Variants in KANSL1 observed in about 807,000 individuals in gnomAD.
KANSL1 encodes KAT8 regulatory NSL complex subunit 1, also known as MLL1/MLL complex subunit KANSL1.
A neutral mutation model predicts 103.6 loss-of-function variants in KANSL1; 22 were observed. The observed-to-expected ratio is 0.21, with a 90% CI of 0.15 to 0.30. The LOEUF (loss-of-function observed/expected upper bound fraction) is 0.30, where lower values mean the gene tolerates loss of function less well. Among genes scored for constraint, KANSL1 ranks in the 10% least tolerant of loss-of-function variants. The pLI is 1.00. For missense variants in KANSL1, 1,337 were observed against 1,399.8 expected, an observed-to-expected ratio of 0.96 and a Z score of 0.72; for synonymous variants, 600 against 527.6, an observed-to-expected ratio of 1.14 and a Z score of -1.88.
chr17:46,148,465 C>CT (rs1482761254), intron 2 of KANSL1, among the ~76,000 whole-genome samples: 1 of 152,206 alleles, frequency 6.6e-6, no homozygotes, highest in African/African-American at 2.4e-5. Flanking sequence ...GGAAACGTTC[C>CT]TATCTCTCAA....
At chr17:46,039,289 C>G (rs576197231) in intron 8 of KANSL1, 74 bp from the exon 9 acceptor site, 10 of 1,397,452 alleles carry the variant, frequency 7.2e-6, no homozygotes, top group Non-Finnish European at 9.6e-6. Flanking sequence ...TCCAAGCTCT[C>G]GAGTTCTCTC....
chr17:46,198,422 TAAAAAAAAA>T (rs58312564), upstream of KANSL1, among the ~76,000 whole-genome samples: 20 of 96,112 alleles, frequency 2.1e-4, no homozygotes, highest in African/African-American at 3.4e-4. Flanking sequence ...CTACTTTAAT[TAAAAAAAAA>T]AAAAAAAAAA....
At chr17:46,189,112 C>T (rs996707974) in intron 1 of KANSL1, among the ~76,000 whole-genome samples, 2 of 143,792 alleles carry the variant, frequency 1.4e-5, no homozygotes, top group African/African-American at 5.2e-5. Flanking sequence ...ACTCAGGAGG[C>T]TAAGGCAGGA....
chr17:46,155,649 G>T, intron 2 of KANSL1, among the ~76,000 whole-genome samples: 1 of 152,218 alleles, frequency 6.6e-6, no homozygotes, highest in South Asian at 2.1e-4. Context: ...AGTCCCAAAA[G>T]GTTAATGGTG....
chr17:46,214,655 CA>C (rs35634348), intron 1 of KANSL1, among the ~76,000 whole-genome samples: 1 of 147,878 alleles, frequency 6.8e-6, no homozygotes, highest in African/African-American at 2.5e-5. Flanking sequence ...AATTCCGTCT[CA>C]AAAAAAAAAG....
At chr17:46,219,512 A>T (rs1420290803) in intron 1 of KANSL1, among the ~76,000 whole-genome samples, 1 of 152,216 alleles carries the variant, frequency 6.6e-6, no homozygotes, top group Non-Finnish European at 1.5e-5. Flanking sequence ...ACAGGTGCAC[A>T]CCACCATGCC....
intron 6 of KANSL1, among the ~76,000 whole-genome samples, chr17:46,058,614 G>A (rs998290879): frequency 5.9e-5 from 9 of 151,884 alleles, no homozygotes; most frequent in Middle Eastern, 3.2e-3. Flanking sequence ...GGAAACTAAG[G>A]TATCAGATAA....
At chr17:46,216,824 G>A (rs866479560) in intron 1 of KANSL1, among the ~76,000 whole-genome samples, 1 of 151,988 alleles carries the variant, frequency 6.6e-6, no homozygotes, top group Non-Finnish European at 1.5e-5. Flanking sequence ...TACTCCAGGG[G>A]CCTGGGCACA....
chr17:46,220,885 A>G (rs1218486882), intron 1 of KANSL1, among the ~76,000 whole-genome samples: 12 of 151,968 alleles, frequency 7.9e-5, no homozygotes, highest in Non-Finnish European at 1.5e-4. Context: ...ACGGGGTTTC[A>G]CCATATTGGC....
At chr17:46,083,286 C>T (rs141450078) in intron 3 of KANSL1, among the ~76,000 whole-genome samples, 1 of 151,952 alleles carries the variant, frequency 6.6e-6, no homozygotes. Context: ...ACCATGTATA[C>T]CAGAAGAGGT....
chr17:46,103,026 TGTG>T (rs1396886960), intron 2 of KANSL1, among the ~76,000 whole-genome samples: 5 of 152,208 alleles, frequency 3.3e-5, no homozygotes, highest in Non-Finnish European at 7.3e-5. Context: ...TAGGTGGAAC[TGTG>T]GTGTGTCACA....
chr17:46,040,850 T>C (rs1381129736), intron 7 of KANSL1: 2 of 152,250 alleles, frequency 1.3e-5, no homozygotes, highest in Admixed American at 6.5e-5. Context: ...CGTTTAGTTA[T>C]TGTTGACATA....
At chr17:46,085,952 T>C (rs1447211894) in intron 3 of KANSL1, among the ~76,000 whole-genome samples, 1 of 152,214 alleles carries the variant, frequency 6.6e-6, no homozygotes, top group Non-Finnish European at 1.5e-5. Flanking sequence ...AATGTTAGTT[T>C]ATTGAAGATG....
At chr17:46,102,819 A>G (rs2042378289) in intron 2 of KANSL1, among the ~76,000 whole-genome samples, 1 of 152,280 alleles carries the variant, frequency 6.6e-6, no homozygotes, top group Admixed American at 6.5e-5. Context: ...GCTAAAGTTT[A>G]CAATTTAATG....
intron 4 of KANSL1, among the ~76,000 whole-genome samples, chr17:46,068,635 T>C (rs1297319547): frequency 6.6e-6 from 1 of 151,984 alleles, no homozygotes; most frequent in Non-Finnish European, 1.5e-5. Flanking sequence ...GTTAATAAAA[T>C]CTCAATGAAT....
At chr17:46,072,049 T>C (rs1457434517) in intron 4 of KANSL1, among the ~76,000 whole-genome samples, 1 of 143,850 alleles carries the variant, frequency 7.0e-6, no homozygotes, top group African/African-American at 2.6e-5. Context: ...AGCAATGAGA[T>C]TCAAATTTGT....
intron 3 of KANSL1, chr17:46,093,430 C>T (rs977324181): frequency 6.6e-6 from 1 of 152,398 alleles, no homozygotes; most frequent in Non-Finnish European, 1.5e-5. Context: ...AGTGAGCCCT[C>T]TGGACTGTGT....
intron 2 of KANSL1, among the ~76,000 whole-genome samples, chr17:46,164,242 T>C (rs1162073266): frequency 6.6e-6 from 1 of 152,268 alleles, no homozygotes; most frequent in Non-Finnish European, 1.5e-5. Context: ...GAAAACACTA[T>C]AGCAACTATA....
At chr17:46,095,985 A>C (rs1255972585) in intron 2 of KANSL1, among the ~76,000 whole-genome samples, 1 of 152,238 alleles carries the variant, frequency 6.6e-6, no homozygotes, top group East Asian at 1.9e-4. Context: ...GAAAACGCAC[A>C]GTCTCATAAA....
Sources: allele counts gnomAD v4.1 joint callset (sites outside exome capture counted in the v4.1 genomes callset), GRCh38; gene constraint gnomAD v4.1.1; transcripts MANE v1.5; gene names NCBI Gene and HGNC (gene_info 2026-07-23, HGNC 2026-07-21).